NCAM2: variants seen among roughly 807,000 people sequenced by gnomAD.
NCAM2 encodes N-CAM-2.
In NCAM2, 30 loss-of-function variants were observed where a neutral mutation model predicts 98.1. The observed-to-expected ratio is 0.31, with a 90% CI of 0.23 to 0.41. The LOEUF is 0.41. Among genes scored for constraint, NCAM2 ranks in the 10% least tolerant of loss-of-function variants. The probability of loss-of-function intolerance (pLI) is 1.00; values close to 1 mark genes in which losing one functional copy is unlikely to be tolerated. For missense variants in NCAM2, 867 were observed against 1,005.8 expected (o/e 0.86, Z 1.87); for synonymous variants, 368 against 342.4 (o/e 1.07, Z -0.83).
intron 8 of NCAM2, among the ~76,000 whole-genome samples, chr21:21,357,116 T>A (rs2075512176): frequency 1.3e-5 from 2 of 152,210 alleles, no homozygotes; most frequent in South Asian, 4.1e-4. Context: ...GAATATACAC[T>A]TTTGAAATAT....
In NCAM2 at chr21:21,418,472, G is replaced by C; in HGVS notation, c.1384-1G>C. Reference sequence around the variant, plus strand: ...AACATTTGTTATTATAATTATTTCAGATTGCACCTACATCTGACAATGACT... The same window carrying C: ...AACATTTGTTATTATAATTATTTCACATTGCACCTACATCTGACAATGACT... On this transcript the variant is annotated splice_acceptor_variant, in intron 10 of 17. Coordinates refer to ENST00000400546, the MANE Select transcript of NCAM2 (RefSeq NM_004540.5). LOFTEE classifies it high-confidence loss of function. 6.3e-7 allele frequency: 1 copy of C among 1,597,526 alleles called. No homozygotes were observed. The highest frequency in any genetic ancestry group is 8.6e-7 in the Non-Finnish European group (1 of 1,165,704).
rs146508592 is a variant in NCAM2 at position 21,415,582 on chromosome 21, G to A, written c.1384-2891G>A. ...GATCTCCTGACCTCGTGATCTGCCC[G>A]CCTCGGCCTCCCAAAGTGGTGGGAT... On this transcript the variant is annotated intron_variant, in intron 10 of 17. Coordinates refer to ENST00000400546, the MANE Select transcript of NCAM2 (RefSeq NM_004540.5). Among the ~76,000 whole-genome samples, 1,255 of 152,130 alleles carry A rather than the reference G, an allele frequency of 8.2e-3. 16 individuals are homozygous for A. Among genetic ancestry groups the A allele is most frequent in the African/African-American group, 0.029 (1,200 of 41,504 alleles).
At chr21:21,223,898 G>A (rs2826738) in intron 1 of NCAM2, among the ~76,000 whole-genome samples, 1 of 151,994 alleles carries the variant, frequency 6.6e-6, no homozygotes, top group Admixed American at 6.6e-5. Flanking sequence ...AGCAGAAAAA[G>A]CATTTGCTAT....
chr21:21,182,567 A>G (rs966532430), intron 1 of NCAM2, among the ~76,000 whole-genome samples: 8 of 152,192 alleles, frequency 5.3e-5, no homozygotes, highest in Non-Finnish European at 1.0e-4. Context: ...ACTGAATAAC[A>G]TCTATAAATT....
At chr21:21,478,830 T>C (rs1985490488) in intron 15 of NCAM2, among the ~76,000 whole-genome samples, 1 of 152,188 alleles carries the variant, frequency 6.6e-6, no homozygotes, top group African/African-American at 2.4e-5. Flanking sequence ...AGAGGTTTAA[T>C]GACATGTTGG....
At chr21:21,344,151 A>G (rs2075124390) in intron 8 of NCAM2, among the ~76,000 whole-genome samples, 1 of 152,180 alleles carries the variant, frequency 6.6e-6, no homozygotes, top group Admixed American at 6.5e-5. Context: ...CCAGATGAGA[A>G]CACACTGGCT....
chr21:21,121,070 A>G (rs1232938584), intron 1 of NCAM2, among the ~76,000 whole-genome samples: 3 of 152,110 alleles, frequency 2.0e-5, no homozygotes, highest in Non-Finnish European at 4.4e-5. Flanking sequence ...ATTGTTCTTT[A>G]TATCTCTGTT....
chr21:21,450,437 T>C (rs1980860624), intron 12 of NCAM2, among the ~76,000 whole-genome samples: 1 of 151,832 alleles, frequency 6.6e-6, no homozygotes, highest in Middle Eastern at 3.4e-3. Flanking sequence ...TTCCAAAACC[T>C]GGGCTCAAGC....
chr21:21,078,984 G>A (rs1460771481), intron 1 of NCAM2, among the ~76,000 whole-genome samples: 4 of 152,112 alleles, frequency 2.6e-5, no homozygotes, highest in African/African-American at 9.7e-5. Context: ...GAGTTGAACA[G>A]TGAGACCATA....
chr21:21,155,496 T>G (rs766358208), intron 1 of NCAM2, among the ~76,000 whole-genome samples: 8 of 151,846 alleles, frequency 5.3e-5, no homozygotes, highest in Non-Finnish European at 1.2e-4. Context: ...TACTCATGAT[T>G]ATTCATCACA....
chr21:21,072,059 C>A (rs1254602184), intron 1 of NCAM2, among the ~76,000 whole-genome samples: 2 of 151,992 alleles, frequency 1.3e-5, no homozygotes, highest in Admixed American at 1.3e-4. Flanking sequence ...ACTACAGGCA[C>A]CCGCCACCAC....
intron 9 of NCAM2, among the ~76,000 whole-genome samples, chr21:21,375,529 G>A (rs232523): frequency 0.36 from 54,255 of 151,398 alleles, 9,929 homozygotes; most frequent in East Asian, 0.58. Context: ...AGGAAGTGAT[G>A]CCAATAACTT....
chr21:21,490,779 G>C (rs560353430), intron 15 of NCAM2, among the ~76,000 whole-genome samples: 6 of 150,894 alleles, frequency 4.0e-5, no homozygotes, highest in African/African-American at 1.5e-4. Context: ...AATTGCATTC[G>C]TTTTCATCAT....
chr21:21,460,751 A>T (rs1377173406), intron 12 of NCAM2, among the ~76,000 whole-genome samples: 1 of 151,970 alleles, frequency 6.6e-6, no homozygotes, highest in African/African-American at 2.4e-5. Flanking sequence ...CTTATAATAA[A>T]AAGATTCTCA....
At chr21:21,198,184 ATGTGTGTGTGTGTGTGTGTG>A (rs10600265) in intron 1 of NCAM2, among the ~76,000 whole-genome samples, 56 of 146,350 alleles carry the variant, frequency 3.8e-4, no homozygotes, top group Non-Finnish European at 6.3e-4. Flanking sequence ...TGTAAAGTAT[ATGTGTGTGTGTGTGTGTGTG>A]TGTGTGTGTG....
chr21:21,318,134 G>C (rs2074272590), intron 5 of NCAM2, among the ~76,000 whole-genome samples: 2 of 152,142 alleles, frequency 1.3e-5, no homozygotes, highest in African/African-American at 4.8e-5. Flanking sequence ...AGGTGTTTGG[G>C]ACCTCAAGGT....
intron 8 of NCAM2, among the ~76,000 whole-genome samples, chr21:21,368,917 G>T (rs1190843763): frequency 6.6e-6 from 1 of 151,756 alleles, no homozygotes; most frequent in Non-Finnish European, 1.5e-5. Context: ...ATTTCCAATT[G>T]TTCGTAAAAC....
At chr21:21,401,918 T>C (rs1602228674) in intron 9 of NCAM2, among the ~76,000 whole-genome samples, 2 of 152,186 alleles carry the variant, frequency 1.3e-5, no homozygotes, top group African/African-American at 4.8e-5. Flanking sequence ...GAAGATTTCA[T>C]GGACATTTAT....
At chr21:21,072,061 C>T (rs374503276) in intron 1 of NCAM2, among the ~76,000 whole-genome samples, 1,509 of 150,100 alleles carry the variant, frequency 0.01, 7 homozygotes, top group African/African-American at 0.035. Flanking sequence ...TACAGGCACC[C>T]GCCACCACGC....
Sources: allele counts gnomAD v4.1 joint callset (sites outside exome capture counted in the v4.1 genomes callset), GRCh38; gene constraint gnomAD v4.1.1; transcripts MANE v1.5; gene names NCBI Gene and HGNC (gene_info 2026-07-23, HGNC 2026-07-21).